Variants in ERBB4 observed in about 807,000 individuals in gnomAD.
The protein encoded by ERBB4 is receptor tyrosine-protein kinase erbB-4.
A neutral mutation model predicts 158.0 loss-of-function variants in ERBB4; 42 were observed. The ratio of observed to expected loss-of-function variants is 0.27; its 90% confidence interval spans 0.21 to 0.34. The LOEUF (loss-of-function observed/expected upper bound fraction) is 0.34, where lower values mean the gene tolerates loss of function less well. Among genes scored for constraint, ERBB4 ranks in the 10% least tolerant of loss-of-function variants. ERBB4 has a pLI of 1.00. For missense variants in ERBB4, 1,333 were observed against 1,624.1 expected (o/e 0.82, Z 3.08); for synonymous variants, 583 against 558.7 (o/e 1.04, Z -0.61).
chr2:212,139,701 C>A (rs938958648), intron 1 of ERBB4, among the ~76,000 whole-genome samples: 2 of 151,762 alleles, frequency 1.3e-5, no homozygotes, highest in African/African-American at 4.8e-5. Flanking sequence ...TTCATATGTG[C>A]AAAACATATT....
At chr2:212,154,402 A>C (rs2080970477) in intron 1 of ERBB4, among the ~76,000 whole-genome samples, 1 of 151,644 alleles carries the variant, frequency 6.6e-6, no homozygotes, top group Non-Finnish European at 1.5e-5. Context: ...CACACTGGGG[A>C]GGTGTCCTTT....
intron 2 of ERBB4, among the ~76,000 whole-genome samples, chr2:211,991,420 A>G (rs75655297): frequency 0.032 from 4,869 of 152,246 alleles, 77 homozygotes; most frequent in African/African-American, 0.048. Context: ...CGAAGCAACA[A>G]AAAAAGAGAT....
rs542062864 is a variant in ERBB4 at position 212,265,713 on chromosome 2, C to T, written c.83-140810G>A. On this transcript the variant is annotated intron_variant, in intron 1 of 27. Coordinates refer to ENST00000342788, the MANE Select transcript of ERBB4 (RefSeq NM_005235.3). The stretch of plus-strand genomic sequence containing the variant: ...TTGAAAGCTGAATTTGCAAAATATA[C>T]TCCATGATACAATAAAACCCTTCTC... Among the ~76,000 whole-genome samples, 54 of 152,180 alleles carry T rather than the reference C, an allele frequency of 3.5e-4. 1 individual carries two copies. Among genetic ancestry groups the T allele is most frequent in the Middle Eastern group, 3.4e-3 (1 of 294 alleles).
intron 1 of ERBB4, among the ~76,000 whole-genome samples, chr2:212,364,261 A>G (rs1439169634): frequency 6.6e-6 from 1 of 151,668 alleles, no homozygotes; most frequent in Admixed American, 6.6e-5. Flanking sequence ...TGTATTGCCA[A>G]AATTTTTACA....
At position 211,984,875 on chromosome 2, in the gene ERBB4, G is replaced by A. The variant is rs185824303; in HGVS notation, c.235-37259C>T. On this transcript the variant is annotated intron_variant, in intron 2 of 27. Coordinates refer to ENST00000342788, the MANE Select transcript of ERBB4 (RefSeq NM_005235.3). ...GTAGCTGGAATTACAGGTGCCCACC[G>A]CCATGCCCAGCTAATTTTTTATTTA... Among the ~76,000 whole-genome samples, 543 of 151,918 alleles carry A rather than the reference G, an allele frequency of 3.6e-3. 4 individuals carry two copies. Among genetic ancestry groups the A allele is most frequent in the African/African-American group, 3.4e-3 (142 of 41,456 alleles).
chr2:211,460,262 G>C (rs1050530764), intron 20 of ERBB4, among the ~76,000 whole-genome samples: 3 of 151,834 alleles, frequency 2.0e-5, no homozygotes, highest in African/African-American at 7.3e-5. Flanking sequence ...TTTTATGATT[G>C]AAAATGATCT....
At chr2:212,116,733 C>G (rs1010317381) in intron 2 of ERBB4, among the ~76,000 whole-genome samples, 13 of 151,682 alleles carry the variant, frequency 8.6e-5, no homozygotes, top group African/African-American at 3.1e-4. Flanking sequence ...ACAGCATCAG[C>G]CTATTGAAAA....
At chr2:211,644,368 A>AT (rs2070709069) in intron 16 of ERBB4, among the ~76,000 whole-genome samples, 1 of 151,628 alleles carries the variant, frequency 6.6e-6, no homozygotes, top group African/African-American at 2.4e-5. Context: ...GGGGAAACCC[A>AT]TTTTTTTCAA....
chr2:211,440,958 G>A (rs1289792795), intron 20 of ERBB4, among the ~76,000 whole-genome samples: 2 of 152,126 alleles, frequency 1.3e-5, no homozygotes, highest in South Asian at 2.1e-4. Flanking sequence ...TCTGCCCAAC[G>A]CATGTAAAAC....
chr2:212,492,085 A>G (rs932429619), intron 1 of ERBB4, among the ~76,000 whole-genome samples: 1 of 151,582 alleles, frequency 6.6e-6, no homozygotes, highest in Non-Finnish European at 1.5e-5. Flanking sequence ...AAAATAACGT[A>G]AATTTGGTGG....
At chr2:212,366,876 T>C (rs911758707) in intron 1 of ERBB4, among the ~76,000 whole-genome samples, 1 of 152,048 alleles carries the variant, frequency 6.6e-6, no homozygotes, top group African/African-American at 2.4e-5. Flanking sequence ...TATAGTTGTA[T>C]AAATGAATCC....
intron 1 of ERBB4, among the ~76,000 whole-genome samples, chr2:212,206,385 T>C (rs2082745263): frequency 6.6e-6 from 1 of 152,312 alleles, no homozygotes; most frequent in Non-Finnish European, 1.5e-5. Context: ...GTAAAATGTT[T>C]TAGTGTTGGT....
At chr2:212,079,014 CT>C (rs1294575139) in intron 2 of ERBB4, among the ~76,000 whole-genome samples, 1 of 151,074 alleles carries the variant, frequency 6.6e-6, no homozygotes, top group East Asian at 1.9e-4. Context: ...TACTTCATTC[CT>C]TTTTTCTATT....
chr2:212,326,495 T>TA (rs1011941754), intron 1 of ERBB4, among the ~76,000 whole-genome samples: 4 of 150,162 alleles, frequency 2.7e-5, no homozygotes, highest in Non-Finnish European at 4.5e-5. Flanking sequence ...TTCCTTAGCT[T>TA]AAAAAAAAAT....
intron 20 of ERBB4, among the ~76,000 whole-genome samples, chr2:211,519,615 A>G (rs2066135618): frequency 6.6e-6 from 1 of 152,170 alleles, no homozygotes; most frequent in Non-Finnish European, 1.5e-5. Context: ...GCTGAATATG[A>G]AAGGTACAAA....
rs371332509 is a variant in ERBB4 at position 211,383,728 on chromosome 2, C to T, written c.3814G>A (p.Gly1272Arg). ...YSTKYFYKQN[G>R]RIRPIVAENP... ...TCTGCCACAATAGGCCGGATCCGCC[C>T]ATTCTGTTTATAAAAATATTTTGTG... The change falls in exon 28 of 28, where the codon GGG (glycine) becomes AGG (arginine). Residue 1272 changes from glycine (G) to arginine (R), a missense_variant. Around this residue, in one of 5 missense-constraint regions of ERBB4, gnomAD observed 84 missense variants for 110.8 expected, o/e 0.76. Coordinates refer to ENST00000342788, the MANE Select transcript of ERBB4 (RefSeq NM_005235.3). The T allele has an allele frequency of 2.5e-6, 4 of 1,614,030 alleles. No homozygotes were observed. The highest frequency in any genetic ancestry group is 3.4e-6 in the Non-Finnish European group (4 of 1,179,982).
At chr2:212,505,222 G>C (rs1211642652) in intron 1 of ERBB4, among the ~76,000 whole-genome samples, 1 of 152,024 alleles carries the variant, frequency 6.6e-6, no homozygotes, top group Non-Finnish European at 1.5e-5. Flanking sequence ...TCAGCCTCCC[G>C]AGTAGCGGGG....
chr2:212,330,360 G>A (rs1474387436), intron 1 of ERBB4, among the ~76,000 whole-genome samples: 2 of 152,090 alleles, frequency 1.3e-5, no homozygotes, highest in Non-Finnish European at 2.9e-5. Flanking sequence ...GCTCACGCCT[G>A]TAATCAACAG....
intron 1 of ERBB4, among the ~76,000 whole-genome samples, chr2:212,165,216 G>GT (rs1464212851): frequency 6.6e-6 from 1 of 151,896 alleles, no homozygotes; most frequent in East Asian, 1.9e-4. Context: ...AGTCATGCAA[G>GT]TTGCGAGTGG....
Sources: gnomAD v4.1 joint callset for allele counts (sites outside exome capture counted in the v4.1 genomes callset) on GRCh38, gnomAD v4.1.1 for gene constraint, gnomAD v4.1.1 regional missense constraint, MANE v1.5 for transcripts, NCBI Gene and HGNC (gene_info 2026-07-23, HGNC 2026-07-21) for gene names.